The following DEPDC5 variants were observed in gnomAD, a reference collection of about 807,000 sequenced individuals.
The protein encoded by DEPDC5 is DEP domain containing 5, GATOR1 subcomplex subunit, also known as GATOR1 complex protein DEPDC5.
DEPDC5 carries 73 observed loss-of-function variants against 217.3 expected under a neutral mutation model. The observed-to-expected ratio is 0.34, with a 90% CI of 0.28 to 0.41. The LOEUF is 0.41. DEPDC5 is among the 10% of genes least tolerant of loss of function. The pLI, the probability that DEPDC5 is intolerant of heterozygous loss-of-function variation, is 1.00. For synonymous variants in DEPDC5, 733 were observed against 756.7 expected (o/e 0.97, Z 0.51); for missense variants, 1,675 against 2,070.1 (o/e 0.81, Z 3.70).
intron 35 of DEPDC5, chr22:31,873,948 AC>A (rs2092922483): frequency 3.5e-6 from 1 of 284,180 alleles, no homozygotes; most frequent in Admixed American, 5.6e-5. Context: ...ACCCGCCACC[AC>A]GCCCAGCTGA....
chr22:31,785,045 A>G (rs2084840857), intron 10 of DEPDC5, 170 bp downstream of exon 10: 1 of 574,784 alleles, frequency 1.7e-6, no homozygotes, highest in African/African-American at 1.9e-5. Flanking sequence ...TATGAAAAAC[A>G]CAAAGCTAAC....
chr22:31,830,714 C>T lies in DEPDC5; in HGVS notation c.2105-3201C>T, dbSNP rs151099329. ...GAGATGGCACAGATCTACTTTTGGC[C>T]TAGGATTCAAAGCTGCTCTGTTAAG... On this transcript the variant is annotated intron_variant, in intron 24 of 42. Transcript: ENST00000651528. Among the ~76,000 whole-genome samples, 53 of 150,334 alleles carry T rather than the reference C, an allele frequency of 3.5e-4. No homozygotes were observed. The East Asian group carries it at 9.8e-3, about 28-fold the overall frequency.
rs746382504 is a variant in DEPDC5, at chr22:31,897,476, C to T, written c.4204-6C>T. ...TGATATTGTTTGTTTCTGTACTTTC[C>T]GCCAGGTCCAAGGTTGGCATCGGAA... is the stretch of plus-strand genomic sequence containing the variant. On this transcript the variant is annotated splice_region_variant and splice_polypyrimidine_tract_variant and intron_variant, in intron 39 of 42. Transcript: ENST00000651528. The T allele has an allele frequency of 4.4e-6, 7 of 1,607,664 alleles. No individual in the cohort carries two copies. The highest frequency in any genetic ancestry group is 2.2e-5 in the East Asian group (1 of 44,710).
intron 18 of DEPDC5, among the ~76,000 whole-genome samples, chr22:31,807,557 G>A (rs1178986172): frequency 6.6e-6 from 1 of 151,976 alleles, no homozygotes; most frequent in Non-Finnish European, 1.5e-5. Context: ...CTAGCCTCCT[G>A]AGTAGCTGGG....
At chr22:31,873,163 G>C in intron 34 of DEPDC5, 92 bp from the exon 35 acceptor site, 1 of 1,603,198 alleles carries the variant, frequency 6.2e-7, no homozygotes, top group Non-Finnish European at 8.5e-7. Context: ...CTGGTTTCTG[G>C]CTCCATAGGA....
intron 41 of DEPDC5, among the ~76,000 whole-genome samples, chr22:31,903,946 TATGTAG>T (rs1369512615): frequency 6.6e-6 from 1 of 152,094 alleles, no homozygotes; most frequent in Non-Finnish European, 1.5e-5. Context: ...AGTAGTTTCA[TATGTAG>T]CTTTTGCATA....
At chr22:31,866,447 G>T (rs1318622453) in intron 33 of DEPDC5, among the ~76,000 whole-genome samples, 1 of 151,980 alleles carries the variant, frequency 6.6e-6, no homozygotes, top group Non-Finnish European at 1.5e-5. Flanking sequence ...ATGCAGTGGC[G>T]TGATCTCAGC....
At chr22:31,795,065 A>ATTTTTTT (rs983604458) in intron 12 of DEPDC5, among the ~76,000 whole-genome samples, 1 of 107,370 alleles carries the variant, frequency 9.3e-6, no homozygotes, top group Non-Finnish European at 1.8e-5. Flanking sequence ...ATTCCATGTG[A>ATTTTTTT]TTTTTTTTTT....
intron 7 of DEPDC5, among the ~76,000 whole-genome samples, chr22:31,772,231 A>G (rs1443071476): frequency 5.3e-5 from 8 of 152,144 alleles, no homozygotes; most frequent in Admixed American, 4.6e-4. Flanking sequence ...CCCATCTTTG[A>G]AAACAAACAA....
intron 19 of DEPDC5, 95 bp from the exon 20 acceptor site, chr22:31,810,426 A>G (rs1014880823): frequency 6.4e-7 from 1 of 1,570,542 alleles, no homozygotes; most frequent in African/African-American, 1.4e-5. Flanking sequence ...TTTGAAATGT[A>G]TTTGGATGAC....
intron 31 of DEPDC5, among the ~76,000 whole-genome samples, chr22:31,850,284 G>A (rs1353791898): frequency 6.6e-6 from 1 of 151,836 alleles, no homozygotes; most frequent in Non-Finnish European, 1.5e-5. Context: ...ATATATTGTG[G>A]ATAATATACT....
At chr22:31,905,907 C>A in intron 41 of DEPDC5, 77 bp from the exon 42 acceptor site, 2 of 1,288,106 alleles carry the variant, frequency 1.6e-6, no homozygotes, top group Non-Finnish European at 2.2e-6. Context: ...GTCCGAGAGT[C>A]CTATCAGCTA....
At chr22:31,871,064 G>T (rs2092828557) in intron 34 of DEPDC5, among the ~76,000 whole-genome samples, 1 of 152,202 alleles carries the variant, frequency 6.6e-6, no homozygotes, top group Non-Finnish European at 1.5e-5. Context: ...ACAATGTCTT[G>T]CACGTCATAG....
chr22:31,898,565 T>C (rs982919738), intron 40 of DEPDC5, among the ~76,000 whole-genome samples: 2 of 152,158 alleles, frequency 1.3e-5, no homozygotes, highest in African/African-American at 4.8e-5. Flanking sequence ...TTTCTTCTTG[T>C]CCCCTTGTAA....
At chr22:31,813,376 G>A (rs189236020) in intron 20 of DEPDC5, among the ~76,000 whole-genome samples, 8 of 152,178 alleles carry the variant, frequency 5.3e-5, no homozygotes, top group African/African-American at 1.7e-4. Context: ...GGCACAAATT[G>A]TGTCTTAATT....
chr22:31,815,937 G>T (rs745834480), intron 21 of DEPDC5: 26 of 1,002,268 alleles, frequency 2.6e-5, no homozygotes, highest in Non-Finnish European at 3.1e-5. Flanking sequence ...GGTCAAAAGG[G>T]TTTATTTCCT....
At chr22:31,787,605 G>T (rs756323918) in intron 10 of DEPDC5, among the ~76,000 whole-genome samples, 1 of 151,990 alleles carries the variant, frequency 6.6e-6, no homozygotes. Flanking sequence ...CCAAAAGTTC[G>T]AGTAACCCAG....
At chr22:31,849,562 C>A (rs1402230296) in intron 31 of DEPDC5, among the ~76,000 whole-genome samples, 2 of 152,044 alleles carry the variant, frequency 1.3e-5, no homozygotes, top group Non-Finnish European at 2.9e-5. Context: ...GGGTGAATCA[C>A]CTGAGACCAG....
At chr22:31,802,939 CAT>C in intron 15 of DEPDC5, 101 bp downstream of exon 15, 2 of 1,382,300 alleles carry the variant, frequency 1.4e-6, no homozygotes, top group Non-Finnish European at 1.9e-6. Flanking sequence ...AGGAGCTCTA[CAT>C]AGTGTTCTGT....
Sources: allele counts gnomAD v4.1 joint callset (sites outside exome capture counted in the v4.1 genomes callset), GRCh38; gene constraint gnomAD v4.1.1; transcripts MANE v1.5; gene names NCBI Gene and HGNC (gene_info 2026-07-23, HGNC 2026-07-21).